TMPRSS9: variants seen among roughly 807,000 people sequenced by gnomAD.
The protein encoded by TMPRSS9 is transmembrane protease serine 9.
A neutral mutation model predicts 111.4 loss-of-function variants in TMPRSS9; 113 were observed. The observed-to-expected ratio is 1.01, with a 90% confidence interval of 0.87 to 1.19. The LOEUF (loss-of-function observed/expected upper bound fraction) is 1.19. TMPRSS9 is among the 50% of genes most tolerant of loss of function. TMPRSS9 has a pLI of 0.00. For synonymous variants in TMPRSS9, 805 were observed against 659.1 expected, an observed-to-expected ratio of 1.22 and a Z score of -3.39; for missense variants, 1,803 against 1,513.1, an observed-to-expected ratio of 1.19 and a Z score of -3.18.
In TMPRSS9 at chr19:2,371,857, G is replaced by T. The variant is rs577352101; in HGVS notation, c.-26+11497G>T. Among the ~76,000 whole-genome samples the T allele has an allele frequency of 8.5e-5, 13 of 152,264 alleles. No homozygotes were observed. The South Asian group carries it at 1.2e-3, about 15-fold the overall frequency. ...GGATGAGTCGGACTTCCTGCCTCCC[G>T]CCTGGGCCAGAGGATGCCGAGAGAG... On this transcript the variant is annotated intron_variant, in intron 1 of 17. Transcript: ENST00000649857.
At chr19:2,393,776 T>C (rs1970648808) in intron 1 of TMPRSS9, among the ~76,000 whole-genome samples, 1 of 150,700 alleles carries the variant, frequency 6.6e-6, no homozygotes, top group Non-Finnish European at 1.5e-5. Context: ...TACGCGCCTG[T>C]AATCCCAGCT....
upstream of TMPRSS9, among the ~76,000 whole-genome samples, chr19:2,386,164 G>T (rs1488851951): frequency 1.3e-5 from 2 of 152,050 alleles, no homozygotes; most frequent in Non-Finnish European, 2.9e-5. Context: ...TGCCCAGGCT[G>T]GTCTCAAACT....
chr19:2,377,468 TCTCC>T, intron 1 of TMPRSS9, among the ~76,000 whole-genome samples: 1 of 50,506 alleles, frequency 2.0e-5, no homozygotes, highest in Non-Finnish European at 3.5e-5. Context: ...CCCTCTCCCC[TCTCC>T]CCTCTCCTCT....
intron 1 of TMPRSS9, among the ~76,000 whole-genome samples, chr19:2,393,560 C>T (rs1278674399): frequency 3.9e-5 from 6 of 152,118 alleles, no homozygotes; most frequent in Admixed American, 2.0e-4. Flanking sequence ...CCACGAATTT[C>T]GGACACAGTA....
intron 11 of TMPRSS9, chr19:2,416,135 A>G: frequency 2.3e-6 from 1 of 430,410 alleles, no homozygotes; most frequent in Non-Finnish European, 4.1e-6. Context: ...GCTACTCAGG[A>G]GCGTGAGGCA....
chr19:2,368,642 T>A (rs1970265130), intron 1 of TMPRSS9, among the ~76,000 whole-genome samples: 1 of 152,082 alleles, frequency 6.6e-6, no homozygotes, highest in Non-Finnish European at 1.5e-5. Flanking sequence ...TTTGTGAGCC[T>A]GGGCGATGCC....
intron 5 of TMPRSS9, 73 bp from the exon 7 acceptor site, chr19:2,403,009 G>GTA (rs1970884775): frequency 9.5e-7 from 1 of 1,050,496 alleles, no homozygotes; most frequent in Non-Finnish European, 1.5e-6. Flanking sequence ...GTGGTACTAA[G>GTA]TATAGCATGG....
At position 2,396,449 on chromosome 19, in the gene TMPRSS9, G is replaced by A. The variant is rs989905973; in HGVS notation, c.143-90G>A. 10 of 1,440,924 alleles carry A rather than the reference G, an allele frequency of 6.9e-6. No homozygotes were observed. The Admixed American group carries it at 7.1e-5, about 10-fold the overall frequency. 89.3% of individuals were successfully genotyped at this position (1,440,924 alleles called of 1,614,324 possible). The stretch of plus-strand genomic sequence containing the variant: ...CAGGAGTGACCACCAGGGTGTGTGA[G>A]TGCAAACAGGGCGGGGCCTGGGTGG... On this transcript the variant is annotated intron_variant, in intron 1 of 17. Coordinates refer to ENST00000648592, the Ensembl canonical transcript of TMPRSS9.
intron 7 of TMPRSS9, among the ~76,000 whole-genome samples, chr19:2,407,785 T>C (rs1971002963): frequency 6.7e-6 from 1 of 150,124 alleles, no homozygotes; most frequent in Admixed American, 6.7e-5. Flanking sequence ...ACCCCGCTAA[T>C]ATATATATAT....
intron 1 of TMPRSS9, among the ~76,000 whole-genome samples, chr19:2,377,747 C>CTG (rs1555676374): frequency 3.0e-5 from 1 of 33,000 alleles, no homozygotes; most frequent in African/African-American, 5.4e-4. Context: ...CAAGGTCTCA[C>CTG]TGTCACCCAG....
At chr19:2,379,175 C>CTTTTTTT (rs201078504) in intron 1 of TMPRSS9, among the ~76,000 whole-genome samples, 1 of 124,800 alleles carries the variant, frequency 8.0e-6, no homozygotes, top group African/African-American at 3.2e-5. Flanking sequence ...GCCTGAGCTT[C>CTTTTTTT]TTTCTCTTTT....
exon 11 of TMPRSS9, chr19:2,415,683 G>A: frequency 6.2e-7 from 1 of 1,600,024 alleles, no homozygotes; most frequent in Non-Finnish European, 8.5e-7. Context: ...GTGGGGCCAG[G>A]CCTGCAATGG....
chr19:2,385,836 G>A (rs1793053108), upstream of TMPRSS9, among the ~76,000 whole-genome samples: 1 of 152,154 alleles, frequency 6.6e-6, no homozygotes, highest in Non-Finnish European at 1.5e-5. Context: ...GGGTGACAGA[G>A]CAGGACCTTG....
intron 1 of TMPRSS9, among the ~76,000 whole-genome samples, chr19:2,391,362 G>GTT (rs372470176): frequency 3.9e-4 from 55 of 142,722 alleles, no homozygotes; most frequent in Admixed American, 6.4e-4. Flanking sequence ...ATCCTCCTAG[G>GTT]TTTTTTTTTT....
chr19:2,401,354 T>A (rs1374705469), intron 4 of TMPRSS9, among the ~76,000 whole-genome samples: 1 of 151,856 alleles, frequency 6.6e-6, no homozygotes, highest in African/African-American at 2.4e-5. Flanking sequence ...CTGGTCGAGG[T>A]CTTAATAACC....
At chr19:2,417,594 G>A (rs1034339427) in intron 12 of TMPRSS9, among the ~76,000 whole-genome samples, 3 of 152,168 alleles carry the variant, frequency 2.0e-5, no homozygotes, top group African/African-American at 4.8e-5. Context: ...GCCGCAGTGA[G>A]CCATGATCAT....
chr19:2,390,212 C>G (rs900130738), intron 1 of TMPRSS9, among the ~76,000 whole-genome samples: 1 of 146,854 alleles, frequency 6.8e-6, no homozygotes, highest in African/African-American at 2.6e-5. Flanking sequence ...TTTGGCAAAT[C>G]AGCAAAATAC....
rs541708045 is a variant in TMPRSS9, at chr19:2,419,226, C to G, written c.2154+1088C>G. Reference sequence around the variant, plus strand: ...TTTCTCTCTGTTTCTTTCTTTCTGACGGAGTCTGGCTCTGTCGCCCAGGCT... The same window carrying G: ...TTTCTCTCTGTTTCTTTCTTTCTGAGGGAGTCTGGCTCTGTCGCCCAGGCT... On this transcript the variant is annotated intron_variant, in intron 13 of 17. Coordinates refer to ENST00000648592, the Ensembl canonical transcript of TMPRSS9. Among the ~76,000 whole-genome samples, 515 of 143,914 alleles carry G rather than the reference C, an allele frequency of 3.6e-3. 5 individuals are homozygous for G. The highest frequency in any genetic ancestry group is 0.013 in the African/African-American group (494 of 38,500). The allele number at this position is 143,914 out of a possible 152,430, so 94.4% of individuals were successfully genotyped here.
At chr19:2,389,665 G>A (rs1444879495), upstream of TMPRSS9, 10 of 1,272,258 alleles carry the variant, frequency 7.9e-6, no homozygotes, top group Admixed American at 2.6e-5. Flanking sequence ...ACCGCGCCCC[G>A]CCGTTTTTAA....
Sources: allele counts gnomAD v4.1 joint callset (sites outside exome capture counted in the v4.1 genomes callset), GRCh38; gene constraint gnomAD v4.1.1; transcripts MANE v1.5; gene names NCBI Gene and HGNC (gene_info 2026-07-23, HGNC 2026-07-21).